SECISBP2: variants seen among roughly 807,000 people sequenced by gnomAD.
The protein encoded by SECISBP2 is selenocysteine insertion sequence-binding protein 2.
A neutral mutation model predicts 98.2 loss-of-function variants in SECISBP2; 96 were observed. The observed-to-expected ratio is 0.98, with a 90% CI of 0.83 to 1.16. The LOEUF is 1.16. Ranked by LOEUF, SECISBP2 falls within the 50% of genes most tolerant of loss-of-function variation. The probability of loss-of-function intolerance (pLI) is 0.00; values close to 1 mark genes in which losing one functional copy is unlikely to be tolerated. For missense variants in SECISBP2, 1,046 were observed against 1,022.9 expected, an observed-to-expected ratio of 1.02 and a Z score of -0.31; for synonymous variants, 407 against 370.2, an observed-to-expected ratio of 1.10 and a Z score of -1.14.
chr9:89,350,677 CG>C lies in SECISBP2; in HGVS notation c.1939del (p.Asp647ThrfsTer31). 1 of 1,614,138 alleles carries C rather than the reference CG, an allele frequency of 6.2e-7. No homozygotes were observed. Among genetic ancestry groups the C allele is most frequent in the East Asian group, 2.2e-5 (1 of 44,884 alleles). On this transcript the variant is annotated frameshift_variant, in exon 14 of 17. Coordinates refer to ENST00000375807, the MANE Select transcript of SECISBP2 (RefSeq NM_024077.5). LOFTEE classifies it high-confidence loss of function. ...LSKEVDACVT[D>X]LLKELVRFQD... ...GTAAAGAAGTGGATGCTTGTGTTACCGACCTACTCAAAGAACTGGTCCGTTT... is the reference window on the plus strand; with the variant it reads ...GTAAAGAAGTGGATGCTTGTGTTACCACCTACTCAAAGAACTGGTCCGTTT...
chr9:89,323,249 T>G (rs1826111422), intron 2 of SECISBP2: 2 of 152,234 alleles, frequency 1.3e-5, no homozygotes, highest in South Asian at 4.1e-4. Flanking sequence ...GGAAATGACC[T>G]GAAAGTTGGA....
downstream of SECISBP2, chr9:89,363,366 G>A: frequency 6.3e-7 from 1 of 1,595,298 alleles, no homozygotes; most frequent in Non-Finnish European, 8.5e-7. Flanking sequence ...AGATCCACTG[G>A]ATGTGGCAGG....
chr9:89,355,701 T>A, intron 14 of SECISBP2: 1 of 315,366 alleles, frequency 3.2e-6, no homozygotes, highest in Non-Finnish European at 4.6e-6. Flanking sequence ...CTCCAGCGTT[T>A]AAAAGGTTTG....
At chr9:89,335,303 C>T (rs185742916) in intron 7 of SECISBP2, among the ~76,000 whole-genome samples, 1 of 151,900 alleles carries the variant, frequency 6.6e-6, no homozygotes, top group East Asian at 1.9e-4. Context: ...AGATGTGCAT[C>T]ACGTTTTGAT....
intron 5 of SECISBP2, chr9:89,329,161 G>A: frequency 7.4e-6 from 3 of 407,928 alleles, no homozygotes; most frequent in Non-Finnish European, 1.4e-5. Flanking sequence ...TCACCAGGCT[G>A]CAGTGCAGTG....
intron 8 of SECISBP2, among the ~76,000 whole-genome samples, chr9:89,339,261 G>A (rs901066546): frequency 1.3e-5 from 2 of 152,212 alleles, no homozygotes; most frequent in African/African-American, 4.8e-5. Flanking sequence ...ACTTGGGGTG[G>A]GGGTTCCCAA....
rs926971716 is a variant in SECISBP2, at chr9:89,318,901, G to C, written c.36+289G>C. The C allele has an allele frequency of 3.2e-6, 4 of 1,237,262 alleles. No individual in the cohort carries two copies. In the Admixed American group the frequency reaches 1.3e-4, roughly 40 times the overall value. 76.6% of individuals were successfully genotyped at this position (1,237,262 alleles called of 1,614,324 possible). On this transcript the variant is annotated intron_variant, in intron 1 of 16. Coordinates refer to ENST00000375807, the MANE Select transcript of SECISBP2 (RefSeq NM_024077.5). ...CCCGGCGCTCCCCGCAGTCGGGGCG[G>C]GGGGACTCTGGCGAGCTTCCCGCGC...
At chr9:89,355,164 A>G in intron 14 of SECISBP2, 5 of 985,444 alleles carry the variant, frequency 5.1e-6, no homozygotes, top group Non-Finnish European at 6.0e-6. Flanking sequence ...GCATTGGAGA[A>G]GTTCTTCTCT....
Position 89,359,001 on chromosome 9 carries a change from T to C in SECISBP2, c.*177T>C, listed in dbSNP as rs760584651. On this transcript the variant is annotated 3_prime_UTR_variant, in exon 17 of 17. Coordinates refer to ENST00000375807, the MANE Select transcript of SECISBP2 (RefSeq NM_024077.5). ...TGCAGGCGTTCAGTGCTGCGGAGCC[T>C]GTTAAAGGTCACTCAGATGTGCAGG... 8 of 618,142 alleles carry C rather than the reference T, an allele frequency of 1.3e-5. No homozygotes were observed. Among genetic ancestry groups the C allele is most frequent in the Non-Finnish European group, 2.3e-5 (8 of 347,624 alleles). The allele number at this position is 618,142 out of a possible 1,614,324, so 38.3% of individuals were successfully genotyped here.
At chr9:89,343,930 G>T (rs183397032) in intron 10 of SECISBP2, among the ~76,000 whole-genome samples, 2 of 152,174 alleles carry the variant, frequency 1.3e-5, no homozygotes, top group Non-Finnish European at 2.9e-5. Context: ...TTTCCACAGC[G>T]GTTGAACTAA....
intron 14 of SECISBP2, among the ~76,000 whole-genome samples, chr9:89,351,701 C>T (rs1241639137): frequency 6.6e-6 from 1 of 152,198 alleles, no homozygotes; most frequent in Admixed American, 6.5e-5. Flanking sequence ...AGTTTTGTGA[C>T]ATGTCCGAGG....
At chr9:89,336,833 G>A (rs187377472) in intron 7 of SECISBP2, among the ~76,000 whole-genome samples, 5 of 145,964 alleles carry the variant, frequency 3.4e-5, no homozygotes, top group African/African-American at 7.7e-5. Flanking sequence ...GTGCAATGGC[G>A]TGATCTCGGC....
At chr9:89,349,667 T>C in intron 12 of SECISBP2, 109 bp from the exon 13 acceptor site, 1 of 1,124,598 alleles carries the variant, frequency 8.9e-7, no homozygotes, top group East Asian at 2.4e-5. Context: ...GTGAATGTGG[T>C]GGTTGTGTGC....
chr9:89,357,080 G>A, intron 14 of SECISBP2: 3 of 381,846 alleles, frequency 7.9e-6, no homozygotes, highest in Non-Finnish European at 1.5e-5. Flanking sequence ...TGTGCCTCTG[G>A]TTGTGCATCT....
chr9:89,364,021 AG>A (rs770320800), downstream of SECISBP2: 2 of 1,612,834 alleles, frequency 1.2e-6, no homozygotes, highest in Admixed American at 1.7e-5. Flanking sequence ...ATGAGGGTGC[AG>A]GGGGGTTACC....
rs1357186295 is a variant in SECISBP2, at chr9:89,357,401, CT to C, written c.2114-7del. 3.7e-6 allele frequency: 6 copies of C among 1,614,098 alleles called. No individual in the cohort carries two copies. In the South Asian group the frequency reaches 6.6e-5, roughly 18 times the overall value. ...TGTCTTCCTGTCATTTTTCATTGTC[CT>C]TTGACCAGGTGGGCTGGATGACACT... On this transcript the variant is annotated splice_polypyrimidine_tract_variant and intron_variant, in intron 14 of 16. Transcript: ENST00000375807.
intron 7 of SECISBP2, among the ~76,000 whole-genome samples, chr9:89,337,746 CT>C (rs779073555): frequency 1.2e-4 from 18 of 152,218 alleles, no homozygotes; most frequent in Non-Finnish European, 2.1e-4. Context: ...GTTCCCTGCC[CT>C]TTTAGAGCCT....
intron 2 of SECISBP2, 124 bp downstream of exon 2, chr9:89,319,921 C>A: frequency 9.7e-7 from 1 of 1,032,758 alleles, no homozygotes. Context: ...TGCTCTTCAA[C>A]CAAGAAGAGT....
chr9:89,361,302 A>G (rs1832742714), downstream of SECISBP2: 1 of 152,286 alleles, frequency 6.6e-6, no homozygotes, highest in Non-Finnish European at 1.5e-5. Context: ...AGGCTGGTAG[A>G]GAATTTGTCC....
Sources: allele counts gnomAD v4.1 joint callset (sites outside exome capture counted in the v4.1 genomes callset), GRCh38; gene constraint gnomAD v4.1.1; transcripts MANE v1.5; gene names NCBI Gene and HGNC (gene_info 2026-07-23, HGNC 2026-07-21).